Variants in SH3PXD2A observed in about 807,000 individuals in gnomAD.
The protein encoded by SH3PXD2A is SH3 and PX domain-containing protein 2A.
Under a neutral mutation model 115.2 loss-of-function variants are expected in SH3PXD2A, and 32 were observed. That is an observed-to-expected ratio of 0.28 (90% CI 0.21 to 0.37). SH3PXD2A has a LOEUF of 0.37. Among genes scored for constraint, SH3PXD2A ranks in the 10% least tolerant of loss-of-function variants. The pLI is 1.00. For missense variants in SH3PXD2A, 1,328 were observed against 1,498.7 expected (o/e 0.89, Z 1.88); for synonymous variants, 610 against 629.1 (o/e 0.97, Z 0.45).
At chr10:103,681,766 G>T (rs1057185325) in intron 6 of SH3PXD2A, among the ~76,000 whole-genome samples, 1 of 152,076 alleles carries the variant, frequency 6.6e-6, no homozygotes, top group Non-Finnish European at 1.5e-5. Context: ...GCCCGCGCGC[G>T]CGCGCGCACA....
chr10:103,619,127 G>A (rs1036371302), intron 10 of SH3PXD2A, among the ~76,000 whole-genome samples: 1 of 152,216 alleles, frequency 6.6e-6, no homozygotes, highest in African/African-American at 2.4e-5. Context: ...ATCGACTCAG[G>A]GAGGGCCTTA....
chr10:103,606,342 TGG>T (rs2036301814), intron 13 of SH3PXD2A, among the ~76,000 whole-genome samples: 1 of 141,036 alleles, frequency 7.1e-6, no homozygotes, highest in African/African-American at 2.7e-5. Context: ...CCCCAGTAGC[TGG>T]GACTACAGGC....
chr10:103,818,234 T>C (rs1297181323), intron 1 of SH3PXD2A, among the ~76,000 whole-genome samples: 1 of 152,232 alleles, frequency 6.6e-6, no homozygotes, highest in Admixed American at 6.5e-5. Flanking sequence ...GAAATCTCCC[T>C]GGGCTGCCTC....
intron 1 of SH3PXD2A, among the ~76,000 whole-genome samples, chr10:103,853,833 A>G (rs1447898535): frequency 6.6e-6 from 1 of 152,228 alleles, no homozygotes; most frequent in Admixed American, 6.5e-5. Flanking sequence ...CCTGGGATAT[A>G]CAAAGGGACA....
intron 8 of SH3PXD2A, among the ~76,000 whole-genome samples, chr10:103,632,235 T>C (rs929317803): frequency 2.0e-5 from 3 of 152,004 alleles, no homozygotes; most frequent in Admixed American, 1.3e-4. Context: ...CACTGCACTC[T>C]CAGATCCTGT....
At chr10:103,786,840 G>A (rs1437823011) in intron 2 of SH3PXD2A, among the ~76,000 whole-genome samples, 1 of 152,140 alleles carries the variant, frequency 6.6e-6, no homozygotes, top group Non-Finnish European at 1.5e-5. Context: ...CCTGAGGGGT[G>A]ACCCCTGCTC....
At position 103,700,466 on chromosome 10, in the gene SH3PXD2A, G is replaced by A. The variant is rs554366769; in HGVS notation, c.399-7410C>T. 1.5e-4 allele frequency among the ~76,000 whole-genome samples: 23 copies of A among 152,326 alleles called. No individual in the cohort carries two copies. In the South Asian group the frequency reaches 3.7e-3, roughly 25 times the overall value. On this transcript the variant is annotated intron_variant, in intron 5 of 14. Transcript: ENST00000369774. ...GGTGCTGACTGCCTACCTTCTCAGT[G>A]TGGCCTGTGTGAGACCCTGGCTCTG... is the stretch of plus-strand genomic sequence containing the variant.
chr10:103,704,905 C>G (rs958954630), intron 5 of SH3PXD2A, among the ~76,000 whole-genome samples: 5 of 152,206 alleles, frequency 3.3e-5, no homozygotes, highest in African/African-American at 1.2e-4. Flanking sequence ...GGTGGCAGCC[C>G]TCTCTGTGCC....
At chr10:103,782,471 CGGA>C (rs952949103) in intron 2 of SH3PXD2A, among the ~76,000 whole-genome samples, 3 of 152,178 alleles carry the variant, frequency 2.0e-5, no homozygotes, top group African/African-American at 4.8e-5. Context: ...GCCTTTAAAG[CGGA>C]GGAGGAGGAC....
intron 5 of SH3PXD2A, among the ~76,000 whole-genome samples, chr10:103,722,463 A>T (rs558817997): frequency 1.1e-3 from 168 of 152,146 alleles, no homozygotes; most frequent in Middle Eastern, 3.4e-3. Context: ...GAAATTTTAC[A>T]TTTTAAATTT....
At chr10:103,850,651 G>C (rs1424088484) in intron 1 of SH3PXD2A, among the ~76,000 whole-genome samples, 1 of 152,094 alleles carries the variant, frequency 6.6e-6, no homozygotes, top group Non-Finnish European at 1.5e-5. Context: ...TCAGCTCCAG[G>C]AACCCCTCCA....
At chr10:103,607,181 G>T (rs1403535092) in intron 13 of SH3PXD2A, among the ~76,000 whole-genome samples, 1 of 151,408 alleles carries the variant, frequency 6.6e-6, no homozygotes, top group African/African-American at 2.4e-5. Context: ...CCTCTCCCCG[G>T]CCGCGACCCC....
At chr10:103,705,020 A>G (rs1409796036) in intron 5 of SH3PXD2A, among the ~76,000 whole-genome samples, 1 of 152,030 alleles carries the variant, frequency 6.6e-6, no homozygotes, top group Non-Finnish European at 1.5e-5. Flanking sequence ...AACCCTAGGT[A>G]ATACCTAGGT....
chr10:103,845,330 C>CAAAA (rs371956451), intron 1 of SH3PXD2A, among the ~76,000 whole-genome samples: 6 of 37,818 alleles, frequency 1.6e-4, no homozygotes, highest in East Asian at 1.5e-3. Context: ...GACTTCATCT[C>CAAAA]AAAAAAAAAA....
chr10:103,641,202 T>G (rs892164483), intron 8 of SH3PXD2A, among the ~76,000 whole-genome samples: 1 of 152,226 alleles, frequency 6.6e-6, no homozygotes, highest in Non-Finnish European at 1.5e-5. Flanking sequence ...TAAAATTTAC[T>G]GTTCAAACTT....
In SH3PXD2A at chr10:103,599,970, G is replaced by A. The variant is rs1345565083; in HGVS notation, c.*1846C>T. 6.6e-6 allele frequency: 1 copy of A among 152,170 alleles called. No homozygotes were observed. Among genetic ancestry groups the A allele is most frequent in the Non-Finnish European group, 1.5e-5 (1 of 68,022 alleles). 9.4% of individuals were successfully genotyped at this position (152,170 alleles called of 1,614,324 possible). A position where few individuals can be genotyped will look rare whatever the true frequency, so the allele number is the denominator to read the frequency against. On this transcript the variant is annotated 3_prime_UTR_variant, in exon 15 of 15. Coordinates refer to ENST00000369774, the MANE Select transcript of SH3PXD2A (RefSeq NM_001394015.1). ...AGGGACAGGGGCTTAGGGTTGCCCA[G>A]GCAAGGCCTCTGGGATGGGGTGTGG...
intron 3 of SH3PXD2A, among the ~76,000 whole-genome samples, chr10:103,765,279 G>T (rs1214617963): frequency 1.3e-5 from 2 of 152,134 alleles, no homozygotes; most frequent in Non-Finnish European, 2.9e-5. Context: ...CATCCTGTGG[G>T]GGCCAGCTCC....
chr10:103,722,921 G>A (rs1225639429), intron 5 of SH3PXD2A, among the ~76,000 whole-genome samples: 2 of 152,190 alleles, frequency 1.3e-5, no homozygotes, highest in Admixed American at 6.5e-5. Context: ...GGTGGGCCTC[G>A]GAGCTGCTTT....
intron 4 of SH3PXD2A, among the ~76,000 whole-genome samples, chr10:103,725,648 G>C (rs2038231768): frequency 6.6e-6 from 1 of 152,044 alleles, no homozygotes; most frequent in Non-Finnish European, 1.5e-5. Flanking sequence ...CCAACATGGA[G>C]AAACCCCGTC....
Sources: gnomAD v4.1 joint callset for allele counts (sites outside exome capture counted in the v4.1 genomes callset) on GRCh38, gnomAD v4.1.1 for gene constraint, MANE v1.5 for transcripts, NCBI Gene and HGNC (gene_info 2026-07-23, HGNC 2026-07-21) for gene names.